Variants in COL4A6 observed in about 807,000 individuals in gnomAD.
COL4A6 encodes the protein collagen type IV alpha 6 chain.
Under a neutral mutation model 126.7 loss-of-function variants are expected in COL4A6, and 59 were observed. That is an observed-to-expected ratio of 0.47 (90% confidence interval 0.38 to 0.58). The LOEUF is 0.58. Ranked by LOEUF, COL4A6 falls within the 20% of genes least tolerant of loss-of-function variation. COL4A6 has a pLI of 0.00. For synonymous variants in COL4A6, 547 were observed against 496.6 expected, an observed-to-expected ratio of 1.10 and a Z score of -1.35; for missense variants, 1,285 against 1,337.3, an observed-to-expected ratio of 0.96 and a Z score of 0.61.
At position 108,156,874 on chromosome X, in the gene COL4A6, T is replaced by C; in HGVS notation, c.*126A>G. The stretch of plus-strand genomic sequence containing the variant: ...CGAGTGTCCGGTAGTCTAGCCCAAA[T>C]GAGACTCCAATGTACAACTTGACAG... On this transcript the variant is annotated 3_prime_UTR_variant, in exon 45 of 45. Coordinates refer to ENST00000334504, the MANE Select transcript of COL4A6 (RefSeq NM_033641.4). 1.4e-6 allele frequency: 1 copy of C among 717,750 alleles called. No homozygotes were observed. Among genetic ancestry groups the C allele is most frequent in the Non-Finnish European group, 2.1e-6 (1 of 474,473 alleles). The allele number at this position is 717,750 out of a possible 1,213,427, so 59.2% of individuals were successfully genotyped here.
intron 3 of COL4A6, among the ~76,000 whole-genome samples, chrX:108,238,600 T>C (rs2036494832): frequency 9.2e-6 from 1 of 108,277 alleles, no homozygotes; most frequent in African/African-American, 3.4e-5. Flanking sequence ...TGGATAGACA[T>C]CTAGTTTGCC....
intron 3 of COL4A6, among the ~76,000 whole-genome samples, chrX:108,224,854 C>T (rs900060846): frequency 9.0e-6 from 1 of 110,938 alleles, no homozygotes; most frequent in African/African-American, 3.3e-5. Context: ...ACACTATCAG[C>T]GACATTTTTC....
chrX:108,162,244 G>A (rs900529598), intron 41 of COL4A6, among the ~76,000 whole-genome samples: 10 of 110,486 alleles, frequency 9.1e-5, no homozygotes, highest in East Asian at 5.7e-4. Context: ...CCGCTACTCC[G>A]GAGGCTGAGG....
chrX:108,430,788 T>C (rs1036087909), intron 2 of COL4A6, among the ~76,000 whole-genome samples: 1 of 111,799 alleles, frequency 8.9e-6, no homozygotes, highest in Non-Finnish European at 1.9e-5. Context: ...TGGAGTGTCA[T>C]GGGAAGGAGA....
chrX:108,333,569 C>A lies in COL4A6; in HGVS notation c.64-22741G>T, dbSNP rs187886180. Reference sequence around the variant, plus strand: ...ATAGTACTGGAAGTCCTAGCTAGAGCATTTAAGCAATAGAAGGAAAAAAAG... The same window carrying A: ...ATAGTACTGGAAGTCCTAGCTAGAGAATTTAAGCAATAGAAGGAAAAAAAG... On this transcript the variant is annotated intron_variant, in intron 2 of 44. Transcript: ENST00000334504. Among the ~76,000 whole-genome samples, 694 of 110,589 alleles carry A rather than the reference C, an allele frequency of 6.3e-3. 3 individuals carry two copies. The highest frequency in any genetic ancestry group is 0.012 in the Non-Finnish European group (614 of 52,639).
intron 3 of COL4A6, among the ~76,000 whole-genome samples, chrX:108,271,671 A>G (rs2037455361): frequency 9.0e-6 from 1 of 111,060 alleles, no homozygotes; most frequent in Admixed American, 9.6e-5. Flanking sequence ...AACACAAATC[A>G]TAACCAGATA....
chrX:108,359,974 A>C (rs1366306168), intron 2 of COL4A6, among the ~76,000 whole-genome samples: 3 of 112,270 alleles, frequency 2.7e-5, no homozygotes, highest in Non-Finnish European at 5.6e-5. Context: ...CAGCTGGACA[A>C]AAGTCATTAA....
chrX:108,434,812 C>T (rs1165633221), intron 2 of COL4A6, among the ~76,000 whole-genome samples: 3 of 107,987 alleles, frequency 2.8e-5, no homozygotes, highest in African/African-American at 1.0e-4. Context: ...CATACACACA[C>T]GTATATTATA....
chrX:108,397,801 G>A (rs771682340), intron 2 of COL4A6, among the ~76,000 whole-genome samples: 1 of 111,752 alleles, frequency 8.9e-6, no homozygotes, highest in African/African-American at 3.2e-5. Context: ...TCCACCCTCA[G>A]TGCAAACACA....
chrX:108,386,018 T>C (rs2040681471), intron 2 of COL4A6, among the ~76,000 whole-genome samples: 2 of 111,446 alleles, frequency 1.8e-5, no homozygotes, highest in African/African-American at 6.5e-5. Context: ...GGTTTCCAGC[T>C]TCATCCATGT....
intron 3 of COL4A6, among the ~76,000 whole-genome samples, chrX:108,222,521 G>A (rs897333277): frequency 8.9e-6 from 1 of 112,067 alleles, no homozygotes; most frequent in Admixed American, 9.5e-5. Context: ...TGTGGCTACA[G>A]TTAAGTACTG....
chrX:108,194,938 A>G, intron 15 of COL4A6, 144 bp downstream of exon 15: 1 of 506,655 alleles, frequency 2.0e-6, no homozygotes. Flanking sequence ...AAAAGAGGAC[A>G]GTGGCTAAGA....
At chrX:108,298,496 A>G (rs771696498) in intron 3 of COL4A6, among the ~76,000 whole-genome samples, 2 of 109,879 alleles carry the variant, frequency 1.8e-5, no homozygotes, top group East Asian at 2.9e-4. Context: ...CTGGGAGGTC[A>G]CCTCCCAGCC....
intron 3 of COL4A6, among the ~76,000 whole-genome samples, chrX:108,225,724 T>G (rs1259231282): frequency 8.9e-6 from 1 of 112,988 alleles, no homozygotes; most frequent in Admixed American, 9.3e-5. Context: ...CGAAGAATCT[T>G]AAAAGCATAT....
At chrX:108,337,743 T>G (rs749563549) in intron 2 of COL4A6, among the ~76,000 whole-genome samples, 1 of 112,567 alleles carries the variant, frequency 8.9e-6, no homozygotes, top group East Asian at 2.8e-4. Flanking sequence ...ATGCAAGCAT[T>G]AATGCTAGGT....
intron 2 of COL4A6, among the ~76,000 whole-genome samples, chrX:108,318,345 T>C (rs1036552376): frequency 8.1e-5 from 9 of 111,567 alleles, no homozygotes; most frequent in African/African-American, 2.9e-4. Context: ...ACCACTCCTA[T>C]TCAACATAGT....
At chrX:108,224,474 A>G (rs747248666) in intron 3 of COL4A6, among the ~76,000 whole-genome samples, 1 of 111,515 alleles carries the variant, frequency 9.0e-6, no homozygotes, top group Admixed American at 9.5e-5. Flanking sequence ...CATTGAATCA[A>G]GGGCCAGAAG....
At chrX:108,339,310 T>C (rs1231680272) in intron 2 of COL4A6, among the ~76,000 whole-genome samples, 1 of 112,295 alleles carries the variant, frequency 8.9e-6, no homozygotes, top group Non-Finnish European at 1.9e-5. Context: ...AAAACCAATA[T>C]TAAGACCTGC....
chrX:108,221,585 T>C lies in COL4A6; in HGVS notation c.145-211A>G, dbSNP rs146133059. On this transcript the variant is annotated intron_variant, in intron 3 of 44. Coordinates refer to ENST00000334504, the MANE Select transcript of COL4A6 (RefSeq NM_033641.4). ...GGATAGAACACATTTTATAAGCACA[T>C]TTAATAAGATTCATGTGCACCAAGA... Among the ~76,000 whole-genome samples the C allele has an allele frequency of 0.015, 1,710 of 112,603 alleles. 27 individuals carry two copies. Among genetic ancestry groups the C allele is most frequent in the African/African-American group, 0.052 (1,617 of 30,983 alleles).
Sources: gnomAD v4.1 joint callset for allele counts (sites outside exome capture counted in the v4.1 genomes callset) on GRCh38, gnomAD v4.1.1 for gene constraint, MANE v1.5 for transcripts, NCBI Gene and HGNC (gene_info 2026-07-23, HGNC 2026-07-21) for gene names.